The following NRG3 variants were observed in gnomAD, a reference collection of about 807,000 sequenced individuals.
NRG3 encodes the protein pro-neuregulin-3, membrane-bound isoform.
In NRG3, 31 loss-of-function variants were observed where a neutral mutation model predicts 66.9. The ratio of observed to expected loss-of-function variants is 0.46; its 90% confidence interval spans 0.35 to 0.63. The LOEUF (loss-of-function observed/expected upper bound fraction) is 0.63. Among genes scored for constraint, NRG3 ranks in the 20% least tolerant of loss-of-function variants. NRG3 has a pLI of 0.00. For synonymous variants in NRG3, 393 were observed against 359.4 expected (o/e 1.09, Z -1.06); for missense variants, 910 against 878.9 (o/e 1.04, Z -0.45).
intron 1 of NRG3, chr10:82,233,002 G>T: frequency 1.7e-6 from 1 of 571,792 alleles, no homozygotes; most frequent in Non-Finnish European, 3.2e-6. Context: ...CAGGGTATGT[G>T]GGCAAGGTAG....
At chr10:81,882,817 T>C (rs12265554) in intron 1 of NRG3, among the ~76,000 whole-genome samples, 9,255 of 152,176 alleles carry the variant, frequency 0.061, 589 homozygotes, top group East Asian at 0.19. Context: ...CTCTCTGATA[T>C]CCTGGCACAC....
intron 2 of NRG3, among the ~76,000 whole-genome samples, chr10:82,590,706 GA>G: frequency 6.6e-6 from 1 of 152,318 alleles, no homozygotes; most frequent in South Asian, 2.1e-4. Context: ...CATGATAAGT[GA>G]GGCAGCTGGG....
chr10:82,416,063 T>A (rs1036901117), intron 2 of NRG3, among the ~76,000 whole-genome samples: 1 of 152,202 alleles, frequency 6.6e-6, no homozygotes, highest in Non-Finnish European at 1.5e-5. Context: ...CAATATTTAA[T>A]CAGAGAACAT....
At chr10:82,489,236 A>G (rs983571078) in intron 2 of NRG3, among the ~76,000 whole-genome samples, 2 of 152,212 alleles carry the variant, frequency 1.3e-5, no homozygotes, top group Non-Finnish European at 2.9e-5. Flanking sequence ...TTCAGTTCCT[A>G]TATTTTTTAA....
At chr10:82,311,027 G>A (rs182685721) in intron 1 of NRG3, among the ~76,000 whole-genome samples, 1 of 134,430 alleles carries the variant, frequency 7.4e-6, no homozygotes, top group East Asian at 2.7e-4. Context: ...TACTCTCTGA[G>A]TTGCTCTAAG....
chr10:82,929,192 G>T (rs1023850836), intron 4 of NRG3, among the ~76,000 whole-genome samples: 2 of 152,106 alleles, frequency 1.3e-5, no homozygotes, highest in Admixed American at 1.3e-4. Flanking sequence ...GTCCTCTTCT[G>T]CCAACCCTGT....
chr10:82,839,328 A>G (rs1591681319), intron 3 of NRG3, among the ~76,000 whole-genome samples: 2 of 152,176 alleles, frequency 1.3e-5, no homozygotes, highest in East Asian at 1.9e-4. Flanking sequence ...ACAAACTGAT[A>G]CTTATCAAAT....
chr10:82,059,665 C>T (rs1055536167), intron 1 of NRG3, among the ~76,000 whole-genome samples: 51 of 152,106 alleles, frequency 3.4e-4, no homozygotes, highest in Non-Finnish European at 5.0e-4. Context: ...TTATGATCGG[C>T]GCTATGTCAG....
intron 3 of NRG3, among the ~76,000 whole-genome samples, chr10:82,825,721 CT>C (rs1564539288): frequency 6.6e-6 from 1 of 152,160 alleles, no homozygotes; most frequent in Non-Finnish European, 1.5e-5. Context: ...AGTTACATAT[CT>C]GTTTATATAT....
At chr10:82,776,717 A>G (rs933435527) in intron 3 of NRG3, among the ~76,000 whole-genome samples, 2 of 151,466 alleles carry the variant, frequency 1.3e-5, no homozygotes, top group African/African-American at 4.9e-5. Context: ...TGACTCTTAC[A>G]TGTACTTCTT....
chr10:82,985,209 C>T lies in NRG3; in HGVS notation c.1695C>T (p.Gly565=). 1.2e-6 allele frequency: 2 copies of T among 1,614,104 alleles called. No individual in the cohort carries two copies. The highest frequency in any genetic ancestry group is 2.7e-5 in the African/African-American group (2 of 75,036). ...GCTTGGAGCAAAAGGACCTGGTGGGCTATTCATCCACAAGGGCCAGTTCTG... is the reference window on the plus strand; with the variant it reads ...GCTTGGAGCAAAAGGACCTGGTGGGTTATTCATCCACAAGGGCCAGTTCTG... ...FNSLEQKDLV[G]YSSTRASSVP... Residue 565 remains glycine, a synonymous_variant, in exon 9 of 9, where the codon GGC becomes GGT. Coordinates refer to ENST00000372141, the MANE Select transcript of NRG3 (RefSeq NM_001010848.4).
At chr10:82,841,281 A>C (rs1452740141) in intron 3 of NRG3, among the ~76,000 whole-genome samples, 2 of 152,174 alleles carry the variant, frequency 1.3e-5, no homozygotes, top group African/African-American at 2.4e-5. Flanking sequence ...TCAAAGAATG[A>C]AATTCTGTTG....
At chr10:82,250,512 T>C (rs992433726) in intron 1 of NRG3, among the ~76,000 whole-genome samples, 1 of 152,062 alleles carries the variant, frequency 6.6e-6, no homozygotes, top group African/African-American at 2.4e-5. Flanking sequence ...CTTGAACACC[T>C]GGGAGGCGGA....
chr10:81,883,814 AT>A (rs1842387817), intron 1 of NRG3, among the ~76,000 whole-genome samples: 1 of 151,882 alleles, frequency 6.6e-6, no homozygotes, highest in Admixed American at 6.6e-5. Flanking sequence ...TCATCATCAG[AT>A]TTTCTTCATT....
intron 1 of NRG3, among the ~76,000 whole-genome samples, chr10:82,268,045 A>AT (rs1049284226): frequency 6.6e-6 from 1 of 152,172 alleles, no homozygotes; most frequent in Non-Finnish European, 1.5e-5. Context: ...ATCACTGAGT[A>AT]TTTTTTAAGC....
At chr10:82,958,615 G>A (rs1850308060) in intron 5 of NRG3, among the ~76,000 whole-genome samples, 1 of 152,164 alleles carries the variant, frequency 6.6e-6, no homozygotes, top group African/African-American at 2.4e-5. Flanking sequence ...TTTTCCTCTA[G>A]TCACTTTCCC....
intron 2 of NRG3, among the ~76,000 whole-genome samples, chr10:82,388,365 A>G (rs988444198): frequency 2.0e-5 from 3 of 152,212 alleles, no homozygotes; most frequent in Admixed American, 6.5e-5. Flanking sequence ...TATGGATTTT[A>G]TATATGAATG....
chr10:81,875,738 C>A lies in NRG3; in HGVS notation c.398C>A (p.Ser133Tyr), dbSNP rs577313983. The A allele has an allele frequency of 3.1e-6, 5 of 1,613,112 alleles. No homozygotes were observed. Among genetic ancestry groups the A allele is most frequent in the Non-Finnish European group, 4.2e-6 (5 of 1,179,854 alleles). ...KAMETTTTTT[S>Y]TTSPATPSAG... ...ATGGAGACCACCACCACTACCACTT[C>A]CACCACGTCCCCCGCCACCCCCTCC... The change falls in exon 1 of 9, where the codon TCC becomes TAC. Residue 133 changes from serine to tyrosine, a missense_variant. Coordinates refer to ENST00000372141, the MANE Select transcript of NRG3 (RefSeq NM_001010848.4). The surrounding 1 kb of genome is among the most constrained non-coding windows in gnomAD (Gnocchi z 5.3).
intron 1 of NRG3, among the ~76,000 whole-genome samples, chr10:81,939,925 A>G (rs1302982403): frequency 1.3e-5 from 2 of 151,622 alleles, no homozygotes; most frequent in African/African-American, 4.8e-5. Flanking sequence ...AACTTCTTTT[A>G]TATTAATGCC....
Sources: gnomAD v4.1 joint callset for allele counts (sites outside exome capture counted in the v4.1 genomes callset) on GRCh38, gnomAD v4.1.1 for gene constraint, Gnocchi (gnomAD v3.1) non-coding constraint, MANE v1.5 for transcripts, NCBI Gene and HGNC (gene_info 2026-07-23, HGNC 2026-07-21) for gene names.